The following UBE2D2 variants were observed in gnomAD, a reference collection of about 807,000 sequenced individuals.
The protein encoded by UBE2D2 is ubiquitin conjugating enzyme E2 D2.
UBE2D2 carries 2 observed loss-of-function variants against 24.2 expected under a neutral mutation model. The observed-to-expected ratio is 0.08, with a 90% CI of 0.03 to 0.26. UBE2D2 has a LOEUF of 0.26. UBE2D2 is among the 10% of genes least tolerant of loss of function. The pLI, the probability that UBE2D2 is intolerant of heterozygous loss-of-function variation, is 1.00. For synonymous variants in UBE2D2, 58 were observed against 56.5 expected, an observed-to-expected ratio of 1.03 and a Z score of -0.12; for missense variants, 44 against 177.6, an observed-to-expected ratio of 0.25 and a Z score of 4.28.
chr5:139,549,238 T>C (rs985394912), intron 1 of UBE2D2, among the ~76,000 whole-genome samples: 18 of 152,286 alleles, frequency 1.2e-4, no homozygotes, highest in African/African-American at 3.8e-4. Context: ...GCGTCCACTC[T>C]GGCTGCGCTT....
At chr5:139,531,424 T>C (rs960105449) in intron 1 of UBE2D2, among the ~76,000 whole-genome samples, 2 of 152,104 alleles carry the variant, frequency 1.3e-5, no homozygotes, top group Non-Finnish European at 2.9e-5. Flanking sequence ...TCTTTAGTGT[T>C]GTGAGCCCTT....
intron 1 of UBE2D2, among the ~76,000 whole-genome samples, chr5:139,540,985 C>G (rs1171453071): frequency 6.7e-6 from 1 of 149,440 alleles, no homozygotes; most frequent in East Asian, 2.0e-4. Context: ...AAGAGCAAAA[C>G]TCAGTCTCAA....
intron 1 of UBE2D2, among the ~76,000 whole-genome samples, chr5:139,594,746 T>G (rs1753924053): frequency 6.6e-6 from 1 of 152,168 alleles, no homozygotes. Flanking sequence ...AATGTTCTAC[T>G]TTAACTGTCA....
chr5:139,603,486 G>A (rs968692163), intron 2 of UBE2D2, among the ~76,000 whole-genome samples: 20 of 152,004 alleles, frequency 1.3e-4, no homozygotes, highest in African/African-American at 2.9e-4. Context: ...AGCTGGGCGC[G>A]GTGGCGCCTG....
chr5:139,613,593 A>G (rs1323900903), intron 2 of UBE2D2, among the ~76,000 whole-genome samples: 2 of 152,092 alleles, frequency 1.3e-5, no homozygotes, highest in Non-Finnish European at 1.5e-5. Context: ...CTTAAATTTT[A>G]CTCCTTTTTT....
intron 1 of UBE2D2, among the ~76,000 whole-genome samples, chr5:139,532,791 T>G (rs557369759): frequency 6.6e-6 from 1 of 151,890 alleles, no homozygotes; most frequent in African/African-American, 2.4e-5. Flanking sequence ...CTTGCCCTAT[T>G]CTACTATTTT....
At chr5:139,617,141 C>A (rs1307726370) in intron 5 of UBE2D2, among the ~76,000 whole-genome samples, 1 of 151,452 alleles carries the variant, frequency 6.6e-6, no homozygotes. Flanking sequence ...CAAGATGGTA[C>A]CATTGCACTC....
intron 1 of UBE2D2, 52 bp downstream of exon 1, chr5:139,561,867 C>G (rs762600437): frequency 1.7e-5 from 25 of 1,440,384 alleles, no homozygotes; most frequent in Admixed American, 2.9e-5. Context: ...AGGCTGCGGC[C>G]TGCACTTCCC....
intron 2 of UBE2D2, among the ~76,000 whole-genome samples, chr5:139,610,804 G>A (rs1420798838): frequency 6.6e-6 from 1 of 151,960 alleles, no homozygotes; most frequent in African/African-American, 2.4e-5. Context: ...TTGAGCTGAG[G>A]TTGCGCCCTT....
chr5:139,622,838 C>T (rs1355099604), intron 5 of UBE2D2, among the ~76,000 whole-genome samples: 2 of 151,770 alleles, frequency 1.3e-5, no homozygotes, highest in Non-Finnish European at 2.9e-5. Flanking sequence ...TGCAGTGAGC[C>T]TAGACCGCGC....
intron 2 of UBE2D2, among the ~76,000 whole-genome samples, chr5:139,604,218 A>T (rs1197494029): frequency 6.8e-6 from 1 of 147,200 alleles, no homozygotes; most frequent in Non-Finnish European, 1.5e-5. Flanking sequence ...TTGGCTCACT[A>T]TAACCTTCGC....
chr5:139,598,552 C>CTTTTTT lies in UBE2D2; in HGVS notation c.25-1799_25-1794dup, dbSNP rs746165110. On this transcript the variant is annotated intron_variant, in intron 1 of 6. Coordinates refer to ENST00000398733, the MANE Select transcript of UBE2D2 (RefSeq NM_003339.3). ...GTAGACCAATCTCTGACTACAAAGC[C>CTTTTTT]TTTTTTTTTTTTTTTTTTTTTTTTT... Among the ~76,000 whole-genome samples the CTTTTTT allele has an allele frequency of 1.4e-4, 15 of 104,942 alleles. 1 individual carries two copies. Among genetic ancestry groups the CTTTTTT allele is most frequent in the African/African-American group, 3.7e-4 (9 of 24,144 alleles). 68.8% of individuals were successfully genotyped at this position (104,942 alleles called of 152,430 possible). A position where few individuals can be genotyped will look rare whatever the true frequency, so the allele number is the denominator to read the frequency against.
chr5:139,548,531 T>G (rs1752867466), intron 1 of UBE2D2, among the ~76,000 whole-genome samples: 1 of 152,152 alleles, frequency 6.6e-6, no homozygotes, highest in Non-Finnish European at 1.5e-5. Context: ...TCACAAGGAC[T>G]GAGCTTGTAG....
Position 139,575,598 on chromosome 5 carries a change from A to G in UBE2D2, c.24+13783A>G, listed in dbSNP as rs181856667. ...TTGTAGGTCTAGAATTGTGAAATCA[A>G]TTCTCTTAAACATCTTATTATAGAA... On this transcript the variant is annotated intron_variant, in intron 1 of 6. Coordinates refer to ENST00000398733, the MANE Select transcript of UBE2D2 (RefSeq NM_003339.3). Among the ~76,000 whole-genome samples, 200 of 152,354 alleles carry G rather than the reference A, an allele frequency of 1.3e-3. 1 individual carries two copies. Among genetic ancestry groups the G allele is most frequent in the African/African-American group, 4.4e-3 (182 of 41,596 alleles).
chr5:139,564,129 T>G (rs1436651954), intron 1 of UBE2D2, among the ~76,000 whole-genome samples: 1 of 152,220 alleles, frequency 6.6e-6, no homozygotes, highest in Non-Finnish European at 1.5e-5. Flanking sequence ...TGTAAGATTT[T>G]TTTAATAAAA....
intron 1 of UBE2D2, among the ~76,000 whole-genome samples, chr5:139,555,261 G>A (rs1239357141): frequency 2.0e-5 from 3 of 151,994 alleles, no homozygotes; most frequent in Admixed American, 1.3e-4. Flanking sequence ...GGCTGGTCTC[G>A]AACTCCTGAG....
chr5:139,585,745 T>C lies in UBE2D2; in HGVS notation c.25-14627T>C, dbSNP rs969845397. Reference sequence around the variant, plus strand: ...TATACCTTGTCTCTCATTCAAGGAGTCATAATTAAACATTAAAGGGGTAGA... The same window carrying C: ...TATACCTTGTCTCTCATTCAAGGAGCCATAATTAAACATTAAAGGGGTAGA... On this transcript the variant is annotated intron_variant, in intron 1 of 6. Transcript: ENST00000398733. Among the ~76,000 whole-genome samples the C allele has an allele frequency of 2.0e-5, 3 of 151,316 alleles. No individual in the cohort carries two copies. The East Asian group carries it at 5.8e-4, about 29-fold the overall frequency.
At chr5:139,591,080 A>G (rs1753837065) in intron 1 of UBE2D2, among the ~76,000 whole-genome samples, 1 of 147,692 alleles carries the variant, frequency 6.8e-6, no homozygotes, top group Non-Finnish European at 1.5e-5. Context: ...TACAGGTGTG[A>G]GCCACTGTGC....
intron 1 of UBE2D2, among the ~76,000 whole-genome samples, chr5:139,563,494 A>G (rs916382767): frequency 6.6e-6 from 1 of 152,176 alleles, no homozygotes; most frequent in Admixed American, 6.5e-5. Context: ...AAATATATAC[A>G]TATGTATTTT....
Sources: gnomAD v4.1 joint callset for allele counts (sites outside exome capture counted in the v4.1 genomes callset) on GRCh38, gnomAD v4.1.1 for gene constraint, MANE v1.5 for transcripts, NCBI Gene and HGNC (gene_info 2026-07-23, HGNC 2026-07-21) for gene names.